Variants in TSPAN9 observed in about 807,000 individuals in gnomAD.
The protein encoded by TSPAN9 is tetraspanin 9.
A neutral mutation model predicts 31.0 loss-of-function variants in TSPAN9; 16 were observed. The observed-to-expected ratio is 0.52, with a 90% CI of 0.35 to 0.78. The LOEUF (loss-of-function observed/expected upper bound fraction) is 0.78, where lower values mean the gene tolerates loss of function less well. Ranked by LOEUF, TSPAN9 falls within the 30% of genes least tolerant of loss-of-function variation. TSPAN9 has a pLI of 0.01. For synonymous variants in TSPAN9, 145 were observed against 121.6 expected, an observed-to-expected ratio of 1.19 and a Z score of -1.27; for missense variants, 272 against 312.5, an observed-to-expected ratio of 0.87 and a Z score of 0.98.
At chr12:3,111,984 C>G (rs7972154) in intron 2 of TSPAN9, among the ~76,000 whole-genome samples, 148,780 of 152,212 alleles carry the variant, frequency 0.98, 72,817 homozygotes, top group South Asian at 1. Context: ...GAGGTAATTT[C>G]CTCAAGGTTA....
chr12:3,100,416 C>T (rs537995960), intron 2 of TSPAN9, among the ~76,000 whole-genome samples: 1 of 152,304 alleles, frequency 6.6e-6, no homozygotes, highest in South Asian at 2.1e-4. Context: ...CCTCTGGACT[C>T]CATTTGGATT....
chr12:3,158,472 C>T (rs1259207929), intron 2 of TSPAN9, among the ~76,000 whole-genome samples: 1 of 152,138 alleles, frequency 6.6e-6, no homozygotes, highest in East Asian at 1.9e-4. Context: ...GCCTATAATC[C>T]CAGCACTTTG....
chr12:3,257,588 C>A (rs1191047575), intron 3 of TSPAN9, among the ~76,000 whole-genome samples: 2 of 151,962 alleles, frequency 1.3e-5, no homozygotes, highest in African/African-American at 4.8e-5. Context: ...AATAAATTAT[C>A]CCCAACAAGC....
chr12:3,226,712 GTA>G (rs2098387455), intron 3 of TSPAN9, among the ~76,000 whole-genome samples: 1 of 6,210 alleles, frequency 1.6e-4, no homozygotes, highest in African/African-American at 4.5e-4. Context: ...GTGTGTATGT[GTA>G]TGTATGTGTG....
At chr12:3,249,476 A>G (rs372894583) in intron 3 of TSPAN9, among the ~76,000 whole-genome samples, 160 of 152,200 alleles carry the variant, frequency 1.1e-3, no homozygotes, top group African/African-American at 3.7e-3. Flanking sequence ...CTCTCTCCTC[A>G]AGGCAGAACC....
At chr12:3,221,906 TGCTAG>T (rs1336823916) in intron 3 of TSPAN9, among the ~76,000 whole-genome samples, 2 of 152,360 alleles carry the variant, frequency 1.3e-5, no homozygotes, top group South Asian at 2.1e-4. Context: ...CCTTCCAAAG[TGCTAG>T]GATGATTGGT....
At chr12:3,145,422 G>A (rs1248258420) in intron 2 of TSPAN9, among the ~76,000 whole-genome samples, 2 of 152,112 alleles carry the variant, frequency 1.3e-5, no homozygotes, top group East Asian at 1.9e-4. Flanking sequence ...GGGTCCTCCC[G>A]TCCCTAGGAG....
chr12:3,089,800 G>A (rs561598469), intron 2 of TSPAN9, among the ~76,000 whole-genome samples: 36 of 152,166 alleles, frequency 2.4e-4, no homozygotes, highest in Admixed American at 2.4e-3. Context: ...CAGCCACTCG[G>A]GAGGCTGAGG....
chr12:3,263,755 GGGCCGATGAC>G (rs1160169098), intron 3 of TSPAN9, among the ~76,000 whole-genome samples: 1 of 152,222 alleles, frequency 6.6e-6, no homozygotes, highest in Non-Finnish European at 1.5e-5. Flanking sequence ...GAACGTTCTG[GGGCCGATGAC>G]GGCCAGTCGA....
intron 2 of TSPAN9, among the ~76,000 whole-genome samples, chr12:3,138,126 G>A (rs1421573844): frequency 6.6e-6 from 1 of 152,208 alleles, no homozygotes; most frequent in Non-Finnish European, 1.5e-5. Flanking sequence ...GCCCAGCGGT[G>A]CCCGTTCTGG....
intron 3 of TSPAN9, chr12:3,211,534 T>C (rs991724354): frequency 2.7e-6 from 2 of 739,568 alleles, no homozygotes; most frequent in African/African-American, 3.6e-5. Flanking sequence ...CCAAACCCTT[T>C]TGATATTTTG....
At chr12:3,234,934 G>A (rs2098392570) in intron 3 of TSPAN9, among the ~76,000 whole-genome samples, 1 of 151,544 alleles carries the variant, frequency 6.6e-6, no homozygotes, top group Non-Finnish European at 1.5e-5. Flanking sequence ...GCCAAGGTGG[G>A]TGGATTACGA....
At chr12:3,131,704 G>A (rs1334256182) in intron 2 of TSPAN9, among the ~76,000 whole-genome samples, 2 of 152,162 alleles carry the variant, frequency 1.3e-5, no homozygotes, top group Non-Finnish European at 2.9e-5. Context: ...AGGCCCTCAG[G>A]TGTTTGTTAC....
At position 3,172,353 on chromosome 12, in the gene TSPAN9, C is replaced by G. The variant is rs1274317714; in HGVS notation, c.-17-28824C>G. ...CAGCTCTGGAGGCAGCCCCGGGGAG[C>G]CGGCATGGTCAGGGTCATGCTGTTT... is the stretch of plus-strand genomic sequence containing the variant. On this transcript the variant is annotated intron_variant, in intron 2 of 8. Transcript: ENST00000011898. The surrounding 1 kb of genome is among the most constrained non-coding windows in gnomAD (Gnocchi z 4.8). The G allele has an allele frequency of 6.6e-6, 1 of 152,322 alleles. No homozygotes were observed. The highest frequency in any genetic ancestry group is 1.5e-5 in the Non-Finnish European group (1 of 68,150). 9.4% of individuals were successfully genotyped at this position (152,322 alleles called of 1,614,324 possible).
At chr12:3,194,016 T>C (rs1207089847) in intron 2 of TSPAN9, among the ~76,000 whole-genome samples, 1 of 152,192 alleles carries the variant, frequency 6.6e-6, no homozygotes, top group Non-Finnish European at 1.5e-5. Flanking sequence ...AACAATTCCA[T>C]AGATTTCTGG....
At chr12:3,237,561 C>A (rs1235810091) in intron 3 of TSPAN9, among the ~76,000 whole-genome samples, 1 of 152,164 alleles carries the variant, frequency 6.6e-6, no homozygotes, top group African/African-American at 2.4e-5. Flanking sequence ...CTGTCCCACC[C>A]GAGGCAGGCT....
At chr12:3,138,946 G>A (rs1003526546) in intron 2 of TSPAN9, among the ~76,000 whole-genome samples, 12 of 152,158 alleles carry the variant, frequency 7.9e-5, no homozygotes, top group Non-Finnish European at 1.5e-4. Context: ...CCAGGCAGGC[G>A]GAAAGCTGTA....
chr12:3,217,211 C>T (rs1298184459), intron 3 of TSPAN9, among the ~76,000 whole-genome samples: 1 of 152,230 alleles, frequency 6.6e-6, no homozygotes, highest in African/African-American at 2.4e-5. Context: ...TCCACCTGCC[C>T]CTGGGCCTCA....
At chr12:3,101,311 C>T (rs1386648680) in intron 2 of TSPAN9, among the ~76,000 whole-genome samples, 1 of 152,142 alleles carries the variant, frequency 6.6e-6, no homozygotes, top group Non-Finnish European at 1.5e-5. Flanking sequence ...ATTGAACCAT[C>T]CAGCAGAGAA....
Sources: allele counts gnomAD v4.1 joint callset (sites outside exome capture counted in the v4.1 genomes callset), GRCh38; gene constraint gnomAD v4.1.1; non-coding constraint Gnocchi (gnomAD v3.1); transcripts MANE v1.5; gene names NCBI Gene and HGNC (gene_info 2026-07-23, HGNC 2026-07-21).